The following PABPC4L variants were observed in gnomAD, a reference collection of about 807,000 sequenced individuals.
PABPC4L encodes the protein poly(A) binding protein cytoplasmic 4 like.
For missense variants in PABPC4L, 452 were observed against 451.4 expected, an observed-to-expected ratio of 1.00 and a Z score of -0.01; for synonymous variants, 169 against 164.1, an observed-to-expected ratio of 1.03 and a Z score of -0.23.
the PABPC4L span, among the ~76,000 whole-genome samples, chr4:134,168,409 A>G: frequency 6.6e-6 from 1 of 151,946 alleles, no homozygotes; most frequent in Non-Finnish European, 1.5e-5. Flanking sequence ...GAAGAGAAAT[A>G]GTAACAATGA....
the PABPC4L span, among the ~76,000 whole-genome samples, chr4:134,073,494 C>G: frequency 6.6e-6 from 1 of 152,152 alleles, no homozygotes; most frequent in Non-Finnish European, 1.5e-5. Context: ...TGAGGCTTTT[C>G]CATGTGCACA....
At chr4:134,121,385 G>A in the PABPC4L span, among the ~76,000 whole-genome samples, 2 of 151,282 alleles carry the variant, frequency 1.3e-5, no homozygotes, top group African/African-American at 4.8e-5. Flanking sequence ...AAGTTATAGC[G>A]ATTCTGAATG....
the PABPC4L span, among the ~76,000 whole-genome samples, chr4:134,061,620 CAGAGAG>C: frequency 1.5e-3 from 219 of 143,446 alleles, 2 homozygotes; most frequent in South Asian, 3.9e-3. Context: ...CAAACATACA[CAGAGAG>C]AGAGAGAGAG....
chr4:134,103,923 A>AT, the PABPC4L span, among the ~76,000 whole-genome samples: 4 of 151,574 alleles, frequency 2.6e-5, no homozygotes, highest in Admixed American at 2.0e-4. Context: ...TTTTTAATCA[A>AT]TTTTTTCCAC....
Position 134,200,806 on chromosome 4 carries a change from T to C in PABPC4L, c.214A>G (p.Asn72Asp), listed in dbSNP as rs1293188666. 3 of 1,552,220 alleles carry C rather than the reference T, an allele frequency of 1.9e-6. No individual in the cohort carries two copies. The highest frequency in any genetic ancestry group is 1.2e-5 in the South Asian group (1 of 84,076). The change falls in exon 2 of 2, where the codon AAC (asparagine) becomes GAC (aspartate). Residue 72 changes from asparagine to aspartate, a missense_variant. Asn to Asp is a conservative substitution (Grantham distance 23, BLOSUM62 1). Transcript: ENST00000421491. ...ADAQKALDTM[N>D]FDIIKGKSIR... Reference sequence around the variant, plus strand: ...GATTTGCCTTTTATGATGTCAAAGTTCATTGTGTCCAGCGCCTTCTGGGCA... The same window carrying C: ...GATTTGCCTTTTATGATGTCAAAGTCCATTGTGTCCAGCGCCTTCTGGGCA...
the PABPC4L span, among the ~76,000 whole-genome samples, chr4:134,158,734 A>AGG: frequency 6.6e-6 from 1 of 152,084 alleles, no homozygotes; most frequent in Non-Finnish European, 1.5e-5. Context: ...TGATTTTACT[A>AGG]TGTACCAGAA....
the PABPC4L span, among the ~76,000 whole-genome samples, chr4:134,002,331 T>C: frequency 1.3e-5 from 2 of 151,856 alleles, no homozygotes; most frequent in African/African-American, 4.8e-5. Context: ...TTAAAAGTTA[T>C]GTAAAAATTT....
the PABPC4L span, among the ~76,000 whole-genome samples, chr4:133,963,587 T>C: frequency 2.0e-5 from 3 of 151,888 alleles, no homozygotes; most frequent in Non-Finnish European, 2.9e-5. Context: ...GACCTTATGA[T>C]AGGCCAGAAA....
At chr4:134,192,951 C>G (rs771862602), downstream of PABPC4L, among the ~76,000 whole-genome samples, 3 of 152,016 alleles carry the variant, frequency 2.0e-5, no homozygotes, top group African/African-American at 7.2e-5. Context: ...AAAATACATA[C>G]TTTAATCATT....
At chr4:133,989,740 C>A in the PABPC4L span, among the ~76,000 whole-genome samples, 1 of 152,188 alleles carries the variant, frequency 6.6e-6, no homozygotes, top group East Asian at 1.9e-4. Context: ...TAAAGCAGTA[C>A]CCCACTCATG....
chr4:133,969,922 C>CT, the PABPC4L span, among the ~76,000 whole-genome samples: 1 of 152,096 alleles, frequency 6.6e-6, no homozygotes, highest in Admixed American at 6.5e-5. Context: ...GCTGTCTCCA[C>CT]TTTTTCTTTC....
chr4:134,085,269 T>A, the PABPC4L span, among the ~76,000 whole-genome samples: 6 of 152,088 alleles, frequency 3.9e-5, no homozygotes, highest in Non-Finnish European at 7.4e-5. Flanking sequence ...TTATAAACTT[T>A]AAAAAGTTGG....
At chr4:134,109,843 G>A in the PABPC4L span, among the ~76,000 whole-genome samples, 1 of 151,620 alleles carries the variant, frequency 6.6e-6, no homozygotes, top group Admixed American at 6.6e-5. Context: ...CCAGGTTCAA[G>A]CAATTCTCCT....
At chr4:133,968,664 A>G in the PABPC4L span, among the ~76,000 whole-genome samples, 1 of 152,178 alleles carries the variant, frequency 6.6e-6, no homozygotes, top group African/African-American at 2.4e-5. Flanking sequence ...TAAACGGATA[A>G]CTAGCCAGAA....
At chr4:134,128,331 C>T in the PABPC4L span, among the ~76,000 whole-genome samples, 2 of 152,000 alleles carry the variant, frequency 1.3e-5, no homozygotes, top group African/African-American at 4.8e-5. Flanking sequence ...AAATTCATGG[C>T]AAAAAGATCA....
chr4:134,169,616 C>T, the PABPC4L span, among the ~76,000 whole-genome samples: 1 of 151,740 alleles, frequency 6.6e-6, no homozygotes, highest in Non-Finnish European at 1.5e-5. Flanking sequence ...AATCAACCAA[C>T]AAAAACCAGT....
chr4:134,093,993 T>G, the PABPC4L span, among the ~76,000 whole-genome samples: 1 of 151,872 alleles, frequency 6.6e-6, no homozygotes, highest in Non-Finnish European at 1.5e-5. Flanking sequence ...GGATTTAAAC[T>G]CTTTCCTTTC....
chr4:134,163,241 C>T, the PABPC4L span, among the ~76,000 whole-genome samples: 1 of 152,124 alleles, frequency 6.6e-6, no homozygotes, highest in South Asian at 2.1e-4. Flanking sequence ...TCTATACATA[C>T]AAACTAGACC....
At chr4:134,095,655 A>T in the PABPC4L span, among the ~76,000 whole-genome samples, 1 of 151,954 alleles carries the variant, frequency 6.6e-6, no homozygotes, top group Non-Finnish European at 1.5e-5. Context: ...ACTTTTCATA[A>T]GCCCTTCAAT....
Sources: gnomAD v4.1 joint callset for allele counts (sites outside exome capture counted in the v4.1 genomes callset) on GRCh38, gnomAD v4.1.1 for gene constraint, MANE v1.5 for transcripts, NCBI Gene and HGNC (gene_info 2026-07-23, HGNC 2026-07-21) for gene names.